The following ASTN1 variants were observed in gnomAD, a reference collection of about 807,000 sequenced individuals.
ASTN1 encodes astrotactin-1.
Under a neutral mutation model 140.7 loss-of-function variants are expected in ASTN1, and 41 were observed. The observed-to-expected ratio is 0.29, with a 90% CI of 0.23 to 0.38. The LOEUF is 0.38. Ranked by LOEUF, ASTN1 falls within the 10% of genes least tolerant of loss-of-function variation. The pLI is 1.00. For missense variants in ASTN1, 1,479 were observed against 1,678.8 expected (o/e 0.88, Z 2.08); for synonymous variants, 640 against 652.2 (o/e 0.98, Z 0.29).
intron 8 of ASTN1, among the ~76,000 whole-genome samples, chr1:177,010,042 T>C (rs73043522): frequency 0.023 from 3,453 of 152,210 alleles, 128 homozygotes; most frequent in African/African-American, 0.073. Context: ...ACTTTTAATT[T>C]AACAAAAAAA....
intron 1 of ASTN1, among the ~76,000 whole-genome samples, chr1:177,162,137 T>C (rs1270359887): frequency 6.6e-6 from 1 of 152,140 alleles, no homozygotes; most frequent in Non-Finnish European, 1.5e-5. Flanking sequence ...GCCCTCACCA[T>C]TGGCCAAGAG....
chr1:176,929,354 G>T (rs560049510), intron 16 of ASTN1, among the ~76,000 whole-genome samples: 1 of 152,330 alleles, frequency 6.6e-6, no homozygotes, highest in Non-Finnish European at 1.5e-5. Context: ...CATAGAGAAG[G>T]CTATGTGGCT....
chr1:177,012,757 G>A (rs184440904), intron 8 of ASTN1, among the ~76,000 whole-genome samples: 13 of 152,274 alleles, frequency 8.5e-5, no homozygotes, highest in Admixed American at 8.5e-4. Flanking sequence ...TGTCTACAAG[G>A]CTAGAGATGT....
intron 1 of ASTN1, among the ~76,000 whole-genome samples, chr1:177,097,041 C>CTT (rs112999620): frequency 1.6e-4 from 23 of 148,240 alleles, no homozygotes; most frequent in African/African-American, 4.9e-4. Context: ...TGAATTTCTG[C>CTT]TTTTTTTTTT....
chr1:177,016,234 T>G (rs547455468), intron 7 of ASTN1, among the ~76,000 whole-genome samples: 1 of 149,762 alleles, frequency 6.7e-6, no homozygotes, highest in Admixed American at 6.7e-5. Context: ...AGAGCCTCAC[T>G]ACCAGATCAC....
intron 1 of ASTN1, among the ~76,000 whole-genome samples, chr1:177,120,222 T>C (rs906655761): frequency 2.1e-4 from 32 of 152,362 alleles, no homozygotes; most frequent in Non-Finnish European, 2.8e-4. Context: ...ATTCAAACGC[T>C]GAGCTGCAAC....
At chr1:176,912,795 T>C (rs10489304) in intron 16 of ASTN1, among the ~76,000 whole-genome samples, 5,577 of 152,304 alleles carry the variant, frequency 0.037, 308 homozygotes, top group African/African-American at 0.13. Context: ...ACAAAGAATA[T>C]GAGGCTTGCT....
At chr1:176,954,681 T>C (rs1672326379) in intron 11 of ASTN1, among the ~76,000 whole-genome samples, 1 of 152,190 alleles carries the variant, frequency 6.6e-6, no homozygotes, top group South Asian at 2.1e-4. Context: ...ACACAGCTCT[T>C]ACCTTGCACA....
chr1:176,888,068 T>C lies in ASTN1; in HGVS notation c.3074+3A>G, dbSNP rs1669110752. On this transcript the variant is annotated splice_donor_region_variant and intron_variant, in intron 18 of 22. Coordinates refer to ENST00000361833, the MANE Select transcript of ASTN1 (RefSeq NM_004319.3). ...ATGCTGAAAGAGAGAAAGAGAACCATACACAGGCTGTGGGAGAGGCGCACA... is the reference window on the plus strand; with the variant it reads ...ATGCTGAAAGAGAGAAAGAGAACCACACACAGGCTGTGGGAGAGGCGCACA... 1.2e-6 allele frequency: 2 copies of C among 1,614,038 alleles called. No homozygotes were observed. The highest frequency in any genetic ancestry group is 1.7e-6 in the Non-Finnish European group (2 of 1,179,996).
At chr1:176,885,480 A>T (rs141129297) in intron 18 of ASTN1, among the ~76,000 whole-genome samples, 1 of 152,152 alleles carries the variant, frequency 6.6e-6, no homozygotes, top group East Asian at 1.9e-4. Flanking sequence ...AGATGACTGG[A>T]TTCTGGGAAT....
intron 8 of ASTN1, among the ~76,000 whole-genome samples, chr1:176,982,899 T>TAAGGTAAGG (rs1673690949): frequency 6.6e-6 from 1 of 151,996 alleles, no homozygotes; most frequent in African/African-American, 2.4e-5. Context: ...CATGTTTATG[T>TAAGGTAAGG]AAGGTAAGGA....
intron 21 of ASTN1, 127 bp downstream of exon 21, chr1:176,876,410 T>C: frequency 1.0e-6 from 1 of 993,148 alleles, no homozygotes; most frequent in Non-Finnish European, 1.5e-6. Flanking sequence ...TACTGGGCCT[T>C]GAATTCTCCT....
chr1:176,931,171 CAAACT>C (rs1671190159), intron 16 of ASTN1, among the ~76,000 whole-genome samples: 1 of 152,090 alleles, frequency 6.6e-6, no homozygotes, highest in Non-Finnish European at 1.5e-5. Context: ...TCTGTAAAAA[CAAACT>C]AAGAAAGAAG....
chr1:176,949,112 T>C lies in ASTN1; in HGVS notation c.2054+73A>G, dbSNP rs1176978856. The C allele has an allele frequency of 2.5e-6, 4 of 1,580,122 alleles. No homozygotes were observed. In the African/African-American group the frequency reaches 4.0e-5, roughly 16 times the overall value. Reference sequence around the variant, plus strand: ...GGGTGACCTATTCACTCACATTTCCTGGATTTAGCATTGAAAGTCCTGCGT... The same window carrying C: ...GGGTGACCTATTCACTCACATTTCCCGGATTTAGCATTGAAAGTCCTGCGT... On this transcript the variant is annotated intron_variant, in intron 12 of 22. Transcript: ENST00000361833.
intron 1 of ASTN1, among the ~76,000 whole-genome samples, chr1:177,156,955 T>TAC (rs1280900272): frequency 6.6e-6 from 1 of 152,170 alleles, no homozygotes; most frequent in Non-Finnish European, 1.5e-5. Context: ...TTCTACAAAG[T>TAC]ACCTGACTAG....
At chr1:176,875,638 C>T (rs191943507) in intron 21 of ASTN1, among the ~76,000 whole-genome samples, 17 of 152,236 alleles carry the variant, frequency 1.1e-4, no homozygotes, top group Admixed American at 1.1e-3. Flanking sequence ...TCTAATACAC[C>T]TGGAGTCAGG....
intron 1 of ASTN1, among the ~76,000 whole-genome samples, chr1:177,127,715 G>C (rs1042434254): frequency 6.6e-6 from 1 of 152,188 alleles, no homozygotes; most frequent in Admixed American, 6.5e-5. Context: ...TTCTCATTCA[G>C]GAGCCATCTG....
At chr1:176,968,085 T>C (rs1359097413) in intron 8 of ASTN1, among the ~76,000 whole-genome samples, 1 of 152,244 alleles carries the variant, frequency 6.6e-6, no homozygotes, top group Non-Finnish European at 1.5e-5. Context: ...CACCAATCAC[T>C]GTGTGACTTT....
intron 2 of ASTN1, among the ~76,000 whole-genome samples, chr1:177,044,441 G>A (rs1049273430): frequency 1.3e-5 from 2 of 152,146 alleles, no homozygotes; most frequent in Non-Finnish European, 2.9e-5. Flanking sequence ...GCTGACCATG[G>A]CCCCCTCTGT....
Sources: allele counts gnomAD v4.1 joint callset (sites outside exome capture counted in the v4.1 genomes callset), GRCh38; gene constraint gnomAD v4.1.1; transcripts MANE v1.5; gene names NCBI Gene and HGNC (gene_info 2026-07-23, HGNC 2026-07-21).